Variants in ANP32A observed in about 807,000 individuals in gnomAD.
The protein encoded by ANP32A is acidic leucine-rich nuclear phosphoprotein 32 family member A.
ANP32A carries 1 observed loss-of-function variant against 33.9 expected under a neutral mutation model. The ratio of observed to expected loss-of-function variants is 0.03; its 90% confidence interval spans 0.01 to 0.14. The LOEUF is 0.14. Among genes scored for constraint, ANP32A ranks in the 10% least tolerant of loss-of-function variants. The pLI is 1.00. For synonymous variants in ANP32A, 115 were observed against 120.5 expected, an observed-to-expected ratio of 0.95 and a Z score of 0.30; for missense variants, 155 against 306.0, an observed-to-expected ratio of 0.51 and a Z score of 3.68.
intron 1 of ANP32A, among the ~76,000 whole-genome samples, chr15:68,807,980 G>C (rs762637647): frequency 6.6e-6 from 1 of 152,222 alleles, no homozygotes; most frequent in Non-Finnish European, 1.5e-5. Flanking sequence ...AAAATTCCAA[G>C]TGTGATGAGC....
In ANP32A at chr15:68,813,633, G is replaced by A. The variant is rs145241895; in HGVS notation, c.54+7065C>T. 2.5e-3 allele frequency among the ~76,000 whole-genome samples: 387 copies of A among 152,294 alleles called. 9 individuals carry two copies. The East Asian group carries it at 0.057, about 22-fold the overall frequency. ...AACTAGCTAGAGTAAGGGATGGACT[G>A]CCAAAACAAAGAGGAGGGATGCTGG... On this transcript the variant is annotated intron_variant, in intron 1 of 6. Coordinates refer to ENST00000465139, the MANE Select transcript of ANP32A (RefSeq NM_006305.4).
intron 3 of ANP32A, 114 bp from the exon 4 acceptor site, chr15:68,784,709 C>A (rs1893911272): frequency 4.1e-6 from 5 of 1,222,132 alleles, no homozygotes; most frequent in South Asian, 1.3e-5. Context: ...CCATGACTTC[C>A]AGGTGATAAG....
intron 1 of ANP32A, among the ~76,000 whole-genome samples, chr15:68,815,032 A>C (rs991106382): frequency 1.3e-5 from 2 of 152,230 alleles, no homozygotes; most frequent in Non-Finnish European, 2.9e-5. Flanking sequence ...TCTAGACGAG[A>C]AGTGCTTCAT....
intron 1 of ANP32A, among the ~76,000 whole-genome samples, chr15:68,809,759 G>C (rs1408373567): frequency 6.6e-6 from 1 of 152,150 alleles, no homozygotes; most frequent in African/African-American, 2.4e-5. Context: ...ACCGGTAGGT[G>C]ATGAAAGTGA....
rs1212111596 is a variant in ANP32A at position 68,778,642 on chromosome 15, T to C, written c.*1439A>G. 6.6e-6 allele frequency: 1 copy of C among 152,200 alleles called. No individual in the cohort carries two copies. Among genetic ancestry groups the C allele is most frequent in the Non-Finnish European group, 1.5e-5 (1 of 68,042 alleles). The allele number at this position is 152,200 out of a possible 1,614,324, so 9.4% of individuals were successfully genotyped here. A position where few individuals can be genotyped will look rare whatever the true frequency, so the allele number is the denominator to read the frequency against. On this transcript the variant is annotated 3_prime_UTR_variant, in exon 7 of 7. Transcript: ENST00000465139. Reference sequence around the variant, plus strand: ...AGATATTCAAAACAAGGTTCCAAGGTTGGCCCAACTTGATTGTTTGGGTAC... The same window carrying C: ...AGATATTCAAAACAAGGTTCCAAGGCTGGCCCAACTTGATTGTTTGGGTAC...
Position 68,780,363 on chromosome 15 carries a change from T to C in ANP32A, c.688+47A>G, listed in dbSNP as rs763258482. On this transcript the variant is annotated intron_variant, in intron 6 of 6. Coordinates refer to ENST00000465139, the MANE Select transcript of ANP32A (RefSeq NM_006305.4). The surrounding 1 kb of genome is among the most constrained non-coding windows in gnomAD (Gnocchi z 4.3). ...GAGTCTAAGCAATCTAAGGCCAAAG[T>C]GAAAGGGCCAGGCTGCTACCAGCTG... The C allele has an allele frequency of 1.2e-5, 20 of 1,613,134 alleles. No individual in the cohort carries two copies. In the Admixed American group the frequency reaches 2.8e-4, roughly 23 times the overall value.
chr15:68,808,341 G>A (rs1181457590), intron 1 of ANP32A, among the ~76,000 whole-genome samples: 2 of 149,858 alleles, frequency 1.3e-5, no homozygotes, highest in African/African-American at 2.5e-5. Flanking sequence ...GGTTGAAATC[G>A]GCTTTACTAA....
Position 68,786,249 on chromosome 15 carries a change from CTGCTTTTTT to C in ANP32A, c.327+1155_327+1163del, listed in dbSNP as rs1334147677. Among the ~76,000 whole-genome samples, 14 of 142,548 alleles carry C rather than the reference CTGCTTTTTT, an allele frequency of 9.8e-5. No homozygotes were observed. In the East Asian group the frequency reaches 3.0e-3, roughly 30 times the overall value. The allele number at this position is 142,548 out of a possible 152,430, so 93.5% of individuals were successfully genotyped here. On this transcript the variant is annotated intron_variant, in intron 3 of 6. Coordinates refer to ENST00000465139, the MANE Select transcript of ANP32A (RefSeq NM_006305.4). ...TAAGATGCCTGAGGTGCTGCTGCTG[CTGCTTTTTT>C]TTTTTTTTTTTTTTTTTTGGAGACA...
At chr15:68,799,129 AAATT>A (rs1423404892) in intron 1 of ANP32A, among the ~76,000 whole-genome samples, 1 of 152,240 alleles carries the variant, frequency 6.6e-6, no homozygotes, top group Non-Finnish European at 1.5e-5. Flanking sequence ...TGTATGGCAA[AAATT>A]ATTAGTGAAG....
chr15:68,811,440 C>G (rs868569849), intron 1 of ANP32A, among the ~76,000 whole-genome samples: 4 of 152,124 alleles, frequency 2.6e-5, no homozygotes, highest in Admixed American at 6.5e-5. Flanking sequence ...GCAGGTTCAG[C>G]CTCACAACTA....
chr15:68,816,751 C>T (rs1894387668), intron 1 of ANP32A, among the ~76,000 whole-genome samples: 1 of 152,152 alleles, frequency 6.6e-6, no homozygotes, highest in African/African-American at 2.4e-5. Flanking sequence ...CGTATCCTAC[C>T]TCCTTGTGGC....
At chr15:68,792,362 T>C (rs1361000850) in intron 1 of ANP32A, 1 of 152,204 alleles carries the variant, frequency 6.6e-6, no homozygotes, top group Admixed American at 6.5e-5. Context: ...CAATGCTTCA[T>C]TCCTCAAGTG....
intron 1 of ANP32A, among the ~76,000 whole-genome samples, chr15:68,808,525 T>C (rs757430157): frequency 1.5e-4 from 23 of 152,360 alleles, no homozygotes; most frequent in Non-Finnish European, 2.6e-4. Flanking sequence ...ATAGCATTTA[T>C]ACAACTCCTT....
chr15:68,801,994 C>T (rs1297197862), intron 1 of ANP32A: 4 of 153,198 alleles, frequency 2.6e-5, no homozygotes, highest in African/African-American at 4.8e-5. Context: ...AGCACAAGGT[C>T]AGGATCTCCT....
At chr15:68,815,284 C>T (rs375980696) in intron 1 of ANP32A, among the ~76,000 whole-genome samples, 3 of 152,310 alleles carry the variant, frequency 2.0e-5, no homozygotes, top group Non-Finnish European at 2.9e-5. Context: ...GCAAAGGGGG[C>T]AGATAGTAAA....
rs368410827 is a variant in ANP32A at position 68,787,545 on chromosome 15, G to A, written c.205-10C>T. On this transcript the variant is annotated splice_polypyrimidine_tract_variant and intron_variant, in intron 2 of 6. Coordinates refer to ENST00000465139, the MANE Select transcript of ANP32A (RefSeq NM_006305.4). ...TATCGCTTAGTTCAAGCTAAATAAG[G>A]CAGGGAAAGAAAAAGCAGAAACAGC... 2 of 1,614,004 alleles carry A rather than the reference G, an allele frequency of 1.2e-6. No homozygotes were observed. Among genetic ancestry groups the A allele is most frequent in the Non-Finnish European group, 1.7e-6 (2 of 1,180,030 alleles).
intron 1 of ANP32A, chr15:68,817,779 C>G (rs542749673): frequency 6.6e-6 from 1 of 152,374 alleles, no homozygotes; most frequent in South Asian, 2.1e-4. Flanking sequence ...GGGGCGGAAA[C>G]CCCCATCGGG....
chr15:68,805,956 G>A (rs888397542), intron 1 of ANP32A, among the ~76,000 whole-genome samples: 3 of 152,122 alleles, frequency 2.0e-5, no homozygotes, highest in South Asian at 2.1e-4. Context: ...GTACAGAGTC[G>A]GCATTCATCA....
chr15:68,806,976 T>C (rs1567038950), intron 1 of ANP32A, among the ~76,000 whole-genome samples: 1 of 152,232 alleles, frequency 6.6e-6, no homozygotes, highest in Non-Finnish European at 1.5e-5. Context: ...CTGGGCTCTG[T>C]ACACCGTCAA....
Sources: allele counts gnomAD v4.1 joint callset (sites outside exome capture counted in the v4.1 genomes callset), GRCh38; gene constraint gnomAD v4.1.1; non-coding constraint Gnocchi (gnomAD v3.1); transcripts MANE v1.5; gene names NCBI Gene and HGNC (gene_info 2026-07-23, HGNC 2026-07-21).